THADA: variants seen among roughly 807,000 people sequenced by gnomAD.
THADA encodes the protein tRNA (32-2'-O)-methyltransferase regulator THADA.
Under a neutral mutation model 219.8 loss-of-function variants are expected in THADA, and 213 were observed. The ratio of observed to expected loss-of-function variants is 0.97; its 90% CI spans 0.87 to 1.09. THADA has a LOEUF of 1.09. THADA is among the 50% of genes least tolerant of loss of function. The pLI is 0.00. For synonymous variants in THADA, 1,018 were observed against 828.9 expected (o/e 1.23, Z -3.92); for missense variants, 2,956 against 2,311.3 (o/e 1.28, Z -5.72).
intron 28 of THADA, among the ~76,000 whole-genome samples, chr2:43,423,615 G>C (rs1341628502): frequency 6.6e-6 from 1 of 151,844 alleles, no homozygotes; most frequent in Non-Finnish European, 1.5e-5. Context: ...TGTATTTTTG[G>C]TAGAGACGAG....
chr2:43,561,794 G>A (rs1698096236), intron 15 of THADA, among the ~76,000 whole-genome samples: 1 of 152,136 alleles, frequency 6.6e-6, no homozygotes, highest in African/African-American at 2.4e-5. Flanking sequence ...GTGAACAGCA[G>A]TGATGACAGT....
intron 34 of THADA, among the ~76,000 whole-genome samples, chr2:43,288,876 T>A (rs1018528509): frequency 2.6e-5 from 4 of 152,216 alleles, no homozygotes; most frequent in Admixed American, 2.6e-4. Flanking sequence ...ATATGTGCAA[T>A]CACCACCACG....
At chr2:43,257,789 C>A (rs1168213549) in intron 36 of THADA, among the ~76,000 whole-genome samples, 2 of 152,170 alleles carry the variant, frequency 1.3e-5, no homozygotes, top group African/African-American at 2.4e-5. Context: ...ACAACCAACA[C>A]TCAAATATGT....
intron 25 of THADA, among the ~76,000 whole-genome samples, chr2:43,495,472 T>TA (rs1226076138): frequency 2.0e-5 from 3 of 152,070 alleles, no homozygotes; most frequent in Admixed American, 1.3e-4. Flanking sequence ...AGCCCACACA[T>TA]AAAAAAAGAG....
intron 28 of THADA, among the ~76,000 whole-genome samples, chr2:43,426,995 A>T (rs1204908975): frequency 1.3e-5 from 2 of 152,228 alleles, no homozygotes; most frequent in African/African-American, 4.8e-5. Context: ...AGAAGACGGC[A>T]AATGCCTGAA....
rs1696838939 is a variant in THADA at position 43,552,260 on chromosome 2, A to T, written c.2754T>A (p.Phe918Leu). Residue 918 changes from phenylalanine to leucine, a missense_variant, in exon 18 of 38, where the codon TTT becomes TTA. Phe to Leu is a conservative substitution (Grantham distance 22). Coordinates refer to ENST00000405975, the MANE Select transcript of THADA (RefSeq NM_022065.5). ...ENSLLQAAAA[F>L]PMYGRVHCIT... ...TACAGTGGACTCGCCCATACATTGG[A>T]AATGCTGCTGCTGCCTGAAGCAGAG... The T allele has an allele frequency of 6.2e-7, 1 of 1,611,670 alleles. No individual in the cohort carries two copies. The highest frequency in any genetic ancestry group is 1.3e-5 in the African/African-American group (1 of 74,836).
At chr2:43,591,506 T>C (rs1372762257) in intron 3 of THADA, among the ~76,000 whole-genome samples, 6 of 151,786 alleles carry the variant, frequency 4.0e-5, no homozygotes, top group African/African-American at 7.3e-5. Flanking sequence ...TGGCTTACAG[T>C]AAAGAACAGC....
At position 43,316,738 on chromosome 2, in the gene THADA, A is replaced by C. The variant is rs925716987; in HGVS notation, c.4438+3708T>G. Among the ~76,000 whole-genome samples, 3 of 152,056 alleles carry C rather than the reference A, an allele frequency of 2.0e-5. 1 individual carries two copies. Among genetic ancestry groups the C allele is most frequent in the Admixed American group, 2.0e-4 (3 of 15,272 alleles). ...AGGTTGGGAGTTCGAGACCAGCCTG[A>C]CGAACAAGGAGAAACCCCGTCTCCA... On this transcript the variant is annotated intron_variant, in intron 31 of 37. Coordinates refer to ENST00000405975, the MANE Select transcript of THADA (RefSeq NM_022065.5).
At chr2:43,273,948 A>C (rs550618105) in intron 36 of THADA, among the ~76,000 whole-genome samples, 1 of 152,126 alleles carries the variant, frequency 6.6e-6, no homozygotes, top group African/African-American at 2.4e-5. Context: ...CCCTGGCTAC[A>C]TGGCTGCTTG....
chr2:43,336,293 A>G (rs1255728896), intron 30 of THADA, among the ~76,000 whole-genome samples: 1 of 151,616 alleles, frequency 6.6e-6, no homozygotes, highest in Non-Finnish European at 1.5e-5. Flanking sequence ...TGTTTTTGAG[A>G]CAGAGTCTCA....
intron 11 of THADA, 143 bp from the exon 12 acceptor site, chr2:43,573,135 G>T: frequency 1.5e-6 from 1 of 653,824 alleles, no homozygotes. Context: ...ACAAATTAAA[G>T]TTCCTATTCT....
chr2:43,345,000 A>T (rs1667482731), intron 29 of THADA, among the ~76,000 whole-genome samples: 1 of 152,266 alleles, frequency 6.6e-6, no homozygotes, highest in East Asian at 1.9e-4. Flanking sequence ...CCAAGGAGAG[A>T]AATGCAAGTC....
chr2:43,544,955 G>C (rs1184786299), intron 20 of THADA, among the ~76,000 whole-genome samples: 2 of 151,396 alleles, frequency 1.3e-5, no homozygotes, highest in Non-Finnish European at 2.9e-5. Context: ...TCTTGTGCCA[G>C]TTTTCAAAGG....
At chr2:43,512,127 A>T (rs1690552760) in intron 22 of THADA, among the ~76,000 whole-genome samples, 1 of 152,230 alleles carries the variant, frequency 6.6e-6, no homozygotes, top group Non-Finnish European at 1.5e-5. Flanking sequence ...GGCTGGCAAA[A>T]TGCCATCGAT....
At position 43,586,751 on chromosome 2, in the gene THADA, GAA is replaced by G. The variant is rs747624683; in HGVS notation, c.452-19_452-18del. 6.2e-7 allele frequency: 1 copy of G among 1,612,430 alleles called. No individual in the cohort carries two copies. On this transcript the variant is annotated intron_variant, in intron 5 of 37. Coordinates refer to ENST00000405975, the MANE Select transcript of THADA (RefSeq NM_022065.5). ...TTGCTCTACCTGTAGAGGAAAAAAT[GAA>G]CACTGGTAAGGAGTTTCACGACCAA...
At chr2:43,569,163 G>C (rs1699020170) in intron 14 of THADA, among the ~76,000 whole-genome samples, 1 of 152,054 alleles carries the variant, frequency 6.6e-6, no homozygotes, top group Non-Finnish European at 1.5e-5. Context: ...TTTTAATAGA[G>C]ATGGGGTCTT....
intron 36 of THADA, among the ~76,000 whole-genome samples, chr2:43,274,094 C>A (rs1672444545): frequency 6.6e-6 from 1 of 152,124 alleles, no homozygotes; most frequent in African/African-American, 2.4e-5. Flanking sequence ...CTATGGGTCA[C>A]CATGCCAAGC....
chr2:43,456,521 T>A (rs916147835), intron 26 of THADA, among the ~76,000 whole-genome samples: 1 of 152,118 alleles, frequency 6.6e-6, no homozygotes, highest in Non-Finnish European at 1.5e-5. Flanking sequence ...GGGTGATTCA[T>A]TCAACCTTGC....
At chr2:43,382,568 G>A (rs1294244593) in intron 29 of THADA, among the ~76,000 whole-genome samples, 1 of 152,076 alleles carries the variant, frequency 6.6e-6, no homozygotes, top group Non-Finnish European at 1.5e-5. Context: ...GTCAATACCA[G>A]ACAAAATTAG....
Sources: gnomAD v4.1 joint callset for allele counts (sites outside exome capture counted in the v4.1 genomes callset) on GRCh38, gnomAD v4.1.1 for gene constraint, MANE v1.5 for transcripts, NCBI Gene and HGNC (gene_info 2026-07-23, HGNC 2026-07-21) for gene names.